The following ERC2 variants were observed in gnomAD, a reference collection of about 807,000 sequenced individuals.
ERC2 encodes the protein ERC protein 2.
In ERC2, 42 loss-of-function variants were observed where a neutral mutation model predicts 114.8. The observed-to-expected ratio is 0.37, with a 90% CI of 0.29 to 0.47. ERC2 has a LOEUF of 0.47. Among genes scored for constraint, ERC2 ranks in the 20% least tolerant of loss-of-function variants. The probability of loss-of-function intolerance (pLI) is 0.99; values close to 1 mark genes in which losing one functional copy is unlikely to be tolerated. For synonymous variants in ERC2, 454 were observed against 425.5 expected, an observed-to-expected ratio of 1.07 and a Z score of -0.82; for missense variants, 939 against 1,150.7, an observed-to-expected ratio of 0.82 and a Z score of 2.66.
At chr3:56,195,666 A>C (rs1005013008) in intron 3 of ERC2, among the ~76,000 whole-genome samples, 1 of 151,874 alleles carries the variant, frequency 6.6e-6, no homozygotes, top group Non-Finnish European at 1.5e-5. Context: ...TTGTCTCTAC[A>C]AAAAATACAA....
chr3:55,929,955 C>T (rs2065976009), intron 13 of ERC2, among the ~76,000 whole-genome samples: 1 of 152,172 alleles, frequency 6.6e-6, no homozygotes, highest in African/African-American at 2.4e-5. Flanking sequence ...ATTACTCAGT[C>T]TTGGCTGGAC....
chr3:55,656,381 C>T (rs1007167304), intron 17 of ERC2, among the ~76,000 whole-genome samples: 1 of 152,134 alleles, frequency 6.6e-6, no homozygotes, highest in African/African-American at 2.4e-5. Flanking sequence ...TAGTCTTGAA[C>T]TCCTGGCTCA....
intron 3 of ERC2, among the ~76,000 whole-genome samples, chr3:56,193,576 C>A (rs190213921): frequency 2.7e-4 from 41 of 152,040 alleles, no homozygotes; most frequent in Non-Finnish European, 5.4e-4. Flanking sequence ...TTTCAAGTTT[C>A]TTTTTTGTAA....
intron 5 of ERC2, among the ~76,000 whole-genome samples, chr3:56,140,596 C>T (rs2080797667): frequency 6.6e-6 from 1 of 152,122 alleles, no homozygotes; most frequent in Non-Finnish European, 1.5e-5. Flanking sequence ...CGGTTCTGTT[C>T]TTAGGTTTTT....
intron 13 of ERC2, among the ~76,000 whole-genome samples, chr3:55,890,280 C>G (rs2063541659): frequency 6.6e-6 from 1 of 151,986 alleles, no homozygotes; most frequent in Non-Finnish European, 1.5e-5. Flanking sequence ...AGCAGTGACC[C>G]CCAAAAAATC....
intron 14 of ERC2, among the ~76,000 whole-genome samples, chr3:55,872,971 C>A (rs1316877078): frequency 6.6e-6 from 1 of 152,152 alleles, no homozygotes; most frequent in Non-Finnish European, 1.5e-5. Context: ...TGTCTGGAGT[C>A]ATTTCTGATT....
chr3:55,512,840 G>C lies in ERC2; in HGVS notation c.*40-1564C>G, dbSNP rs1499886. On this transcript the variant is annotated intron_variant, in intron 17 of 17. Coordinates refer to ENST00000288221, the MANE Select transcript of ERC2 (RefSeq NM_015576.3). ...AAAAAGTGTAGCCATTCTTTCAATC[G>C]AACAATCCATTCACCAGGAGGCCTA... Among the ~76,000 whole-genome samples the C allele has an allele frequency of 1.7e-4, 26 of 152,196 alleles. No individual in the cohort carries two copies. In the East Asian group the frequency reaches 4.6e-3, roughly 27 times the overall value.
intron 14 of ERC2, among the ~76,000 whole-genome samples, chr3:55,820,449 G>T (rs780775564): frequency 6.6e-6 from 1 of 152,196 alleles, no homozygotes; most frequent in African/African-American, 2.4e-5. Context: ...TGTTGTCACA[G>T]AAATCAACTC....
At chr3:55,934,376 G>C (rs535864287) in intron 13 of ERC2, among the ~76,000 whole-genome samples, 2 of 152,154 alleles carry the variant, frequency 1.3e-5, no homozygotes, top group Non-Finnish European at 2.9e-5. Flanking sequence ...AATTGTGACT[G>C]TCATTTCCAG....
intron 1 of ERC2, among the ~76,000 whole-genome samples, chr3:56,450,996 A>T (rs1479403243): frequency 6.6e-6 from 1 of 152,214 alleles, no homozygotes; most frequent in East Asian, 1.9e-4. Flanking sequence ...AAATAGAACA[A>T]ATTAAGTAGT....
chr3:55,730,222 T>A (rs2148908877), intron 15 of ERC2, among the ~76,000 whole-genome samples: 1 of 152,218 alleles, frequency 6.6e-6, no homozygotes, highest in South Asian at 2.1e-4. Flanking sequence ...ATATGAGTGG[T>A]TTGATGGTGA....
intron 14 of ERC2, among the ~76,000 whole-genome samples, chr3:55,783,398 C>G (rs1301919716): frequency 6.6e-6 from 1 of 152,150 alleles, no homozygotes; most frequent in African/African-American, 2.4e-5. Context: ...AGCAATGTGC[C>G]TAGATTGTTA....
At chr3:55,733,133 C>T (rs2065363185) in intron 15 of ERC2, among the ~76,000 whole-genome samples, 1 of 152,066 alleles carries the variant, frequency 6.6e-6, no homozygotes, top group Non-Finnish European at 1.5e-5. Context: ...GAGAAAGCTA[C>T]AATGGTTAGG....
At chr3:55,938,576 C>T (rs761279114) in intron 13 of ERC2, among the ~76,000 whole-genome samples, 4 of 152,308 alleles carry the variant, frequency 2.6e-5, no homozygotes, top group Middle Eastern at 3.4e-3. Flanking sequence ...AAATCACAGG[C>T]CCATGTCTGA....
chr3:55,908,468 G>A (rs536997029), intron 13 of ERC2, among the ~76,000 whole-genome samples: 109 of 152,252 alleles, frequency 7.2e-4, no homozygotes, highest in African/African-American at 2.4e-3. Flanking sequence ...TGCTCCAGGG[G>A]ACTGAGAGTG....
chr3:55,617,160 T>G (rs2059154058), intron 17 of ERC2, among the ~76,000 whole-genome samples: 1 of 152,218 alleles, frequency 6.6e-6, no homozygotes, highest in Non-Finnish European at 1.5e-5. Context: ...AATCTGTCCC[T>G]CACCCAGTTT....
chr3:55,664,427 G>A lies in ERC2; in HGVS notation c.*39+19367C>T, dbSNP rs186786322. On this transcript the variant is annotated intron_variant, in intron 17 of 17. Coordinates refer to ENST00000288221, the MANE Select transcript of ERC2 (RefSeq NM_015576.3). ...CCCCATTTCGTCATACATTCTGTTC[G>A]CAAATGCGCACATTTTTCAACCTGG... is the stretch of plus-strand genomic sequence containing the variant. 1.4e-3 allele frequency among the ~76,000 whole-genome samples: 219 copies of A among 152,182 alleles called. 1 individual carries two copies. Among genetic ancestry groups the A allele is most frequent in the African/African-American group, 5.0e-3 (208 of 41,524 alleles).
intron 16 of ERC2, among the ~76,000 whole-genome samples, chr3:55,691,917 A>G (rs755922074): frequency 5.5e-4 from 84 of 152,196 alleles, no homozygotes; most frequent in Non-Finnish European, 8.1e-4. Flanking sequence ...AAATTCTTCC[A>G]TATGTGGAAA....
intron 14 of ERC2, among the ~76,000 whole-genome samples, chr3:55,870,281 G>A (rs2062521920): frequency 6.6e-6 from 1 of 152,044 alleles, no homozygotes; most frequent in Non-Finnish European, 1.5e-5. Flanking sequence ...CATCATGTTG[G>A]CCAGGTTGGT....
Sources: allele counts gnomAD v4.1 joint callset (sites outside exome capture counted in the v4.1 genomes callset), GRCh38; gene constraint gnomAD v4.1.1; transcripts MANE v1.5; gene names NCBI Gene and HGNC (gene_info 2026-07-23, HGNC 2026-07-21).